Variants in SERINC3 observed in about 807,000 individuals in gnomAD.
The protein encoded by SERINC3 is serine incorporator 3, also known as tumor differentially expressed protein 1.
A neutral mutation model predicts 52.1 loss-of-function variants in SERINC3; 22 were observed. The observed-to-expected ratio is 0.42, with a 90% confidence interval of 0.30 to 0.60. The LOEUF is 0.60. SERINC3 is among the 20% of genes least tolerant of loss of function. The pLI, the probability that SERINC3 is intolerant of heterozygous loss-of-function variation, is 0.16. For missense variants in SERINC3, 564 were observed against 584.6 expected, an observed-to-expected ratio of 0.96 and a Z score of 0.36; for synonymous variants, 226 against 212.7, an observed-to-expected ratio of 1.06 and a Z score of -0.54.
chr20:44,511,580 A>G (rs531435851), intron 3 of SERINC3, among the ~76,000 whole-genome samples: 3 of 152,316 alleles, frequency 2.0e-5, no homozygotes, highest in Admixed American at 1.3e-4. Context: ...AAGATAAATC[A>G]CTCACATTTA....
At chr20:44,507,374 T>G (rs1433188444) in intron 5 of SERINC3, among the ~76,000 whole-genome samples, 1 of 152,174 alleles carries the variant, frequency 6.6e-6, no homozygotes, top group Non-Finnish European at 1.5e-5. Context: ...CACAGCAAGC[T>G]CCATGCCAGG....
At chr20:44,512,568 G>A (rs1341179697) in intron 3 of SERINC3, among the ~76,000 whole-genome samples, 1 of 151,980 alleles carries the variant, frequency 6.6e-6, no homozygotes, top group Non-Finnish European at 1.5e-5. Flanking sequence ...AGAACATGAA[G>A]CAAAGGAATT....
chr20:44,506,637 G>T (rs200571807), intron 6 of SERINC3, among the ~76,000 whole-genome samples, 190 bp downstream of exon 6: 8 of 138,440 alleles, frequency 5.8e-5, no homozygotes, highest in African/African-American at 2.2e-4. Flanking sequence ...AGTTACCTGG[G>T]TTTTTTTTTA....
chr20:44,510,991 G>A (rs904644074), intron 4 of SERINC3, among the ~76,000 whole-genome samples: 4 of 151,636 alleles, frequency 2.6e-5, no homozygotes, highest in Non-Finnish European at 5.9e-5. Context: ...TTGGCACACT[G>A]CAACCTCTGC....
chr20:44,500,461 G>C (rs2064272693), intron 9 of SERINC3, 27 bp from the exon 10 acceptor site: 1 of 1,552,508 alleles, frequency 6.4e-7, no homozygotes, highest in South Asian at 1.2e-5. Flanking sequence ...GAGTCAGGTA[G>C]AAAAGCCTGG....
At position 44,500,111 on chromosome 20, in the gene SERINC3, A is replaced by G. The variant is rs1389125230; in HGVS notation, c.*185T>C. 19 of 632,354 alleles carry G rather than the reference A, an allele frequency of 3.0e-5. No individual in the cohort carries two copies. Among genetic ancestry groups the G allele is most frequent in the Non-Finnish European group, 5.0e-5 (19 of 377,626 alleles). 39.2% of individuals were successfully genotyped at this position (632,354 alleles called of 1,614,324 possible). Reference sequence around the variant, plus strand: ...CCTTAGAAGTAAACATAATATACAGATAAATGAGAAGTTTCGATTCTGCAT... The same window carrying G: ...CCTTAGAAGTAAACATAATATACAGGTAAATGAGAAGTTTCGATTCTGCAT... On this transcript the variant is annotated 3_prime_UTR_variant, in exon 10 of 10. Transcript: ENST00000342374.
intron 9 of SERINC3, among the ~76,000 whole-genome samples, chr20:44,500,661 C>T (rs1293379816): frequency 6.6e-6 from 1 of 152,172 alleles, no homozygotes; most frequent in Non-Finnish European, 1.5e-5. Flanking sequence ...TTCTTGCCAG[C>T]ATGAAAGACC....
chr20:44,507,239 G>T (rs1791063331), intron 5 of SERINC3, among the ~76,000 whole-genome samples: 1 of 152,166 alleles, frequency 6.6e-6, no homozygotes, highest in African/African-American at 2.4e-5. Context: ...TTGATTTCAT[G>T]GGTTGATTAC....
At position 44,498,031 on chromosome 20, in the gene SERINC3, G is replaced by C. The variant is rs534507256; in HGVS notation, c.*2265C>G. Reference sequence around the variant, plus strand: ...CCTGTGGTCATAAATCAAATAGTACGTACTCAACAAATAATAGCTGACAAG... The same window carrying C: ...CCTGTGGTCATAAATCAAATAGTACCTACTCAACAAATAATAGCTGACAAG... On this transcript the variant is annotated 3_prime_UTR_variant, in exon 10 of 10. Coordinates refer to ENST00000342374, the MANE Select transcript of SERINC3 (RefSeq NM_006811.4). 6.6e-6 allele frequency: 1 copy of C among 152,102 alleles called. No homozygotes were observed. The highest frequency in any genetic ancestry group is 1.5e-5 in the Non-Finnish European group (1 of 68,040). 9.4% of individuals were successfully genotyped at this position (152,102 alleles called of 1,614,324 possible).
rs2064261843 is a variant in SERINC3, at chr20:44,498,606, A to G, written c.*1690T>C. On this transcript the variant is annotated 3_prime_UTR_variant, in exon 10 of 10. Coordinates refer to ENST00000342374, the MANE Select transcript of SERINC3 (RefSeq NM_006811.4). ...AAAAAATTAAAATTGAAAAAAAAAAATTCTAATTGCTAAGTAGCCCTCACC... is the reference window on the plus strand; with the variant it reads ...AAAAAATTAAAATTGAAAAAAAAAAGTTCTAATTGCTAAGTAGCCCTCACC... 1 of 152,074 alleles carries G rather than the reference A, an allele frequency of 6.6e-6. No homozygotes were observed. Among genetic ancestry groups the G allele is most frequent in the Non-Finnish European group, 1.5e-5 (1 of 68,066 alleles). 9.4% of individuals were successfully genotyped at this position (152,074 alleles called of 1,614,324 possible).
chr20:44,506,176 C>T (rs2064311394), intron 6 of SERINC3, among the ~76,000 whole-genome samples: 1 of 150,560 alleles, frequency 6.6e-6, no homozygotes, highest in African/African-American at 2.4e-5. Flanking sequence ...TGGCAGGCGC[C>T]TGGCCAAGGC....
At chr20:44,513,234 C>T (rs1160467974) in intron 2 of SERINC3, among the ~76,000 whole-genome samples, 1 of 151,936 alleles carries the variant, frequency 6.6e-6, no homozygotes, top group African/African-American at 2.4e-5. Context: ...ATCTGTAATC[C>T]CAGTATTTTG....
intron 4 of SERINC3, among the ~76,000 whole-genome samples, chr20:44,511,048 G>T (rs1292638356): frequency 6.6e-6 from 1 of 151,874 alleles, no homozygotes; most frequent in Non-Finnish European, 1.5e-5. Flanking sequence ...TGAGTACCTG[G>T]AATCACAGGC....
At chr20:44,508,207 G>A (rs2064326599) in intron 5 of SERINC3, among the ~76,000 whole-genome samples, 1 of 152,112 alleles carries the variant, frequency 6.6e-6, no homozygotes, top group African/African-American at 2.4e-5. Context: ...ATAACAGCCG[G>A]GTGTGGTGGC....
downstream of SERINC3, among the ~76,000 whole-genome samples, chr20:44,497,023 C>A (rs1418875925): frequency 6.6e-6 from 1 of 152,186 alleles, no homozygotes; most frequent in Admixed American, 6.5e-5. Flanking sequence ...AGCTTTCTCC[C>A]GGCTTTAACG....
intron 8 of SERINC3, 152 bp downstream of exon 8, chr20:44,503,663 T>C (rs1310792989): frequency 8.4e-6 from 5 of 592,222 alleles, no homozygotes; most frequent in Non-Finnish European, 1.4e-5. Flanking sequence ...AATATATATG[T>C]ACACAGCTCT....
intron 4 of SERINC3, 31 bp from the exon 5 acceptor site, chr20:44,510,059 C>G (rs1281251881): frequency 6.2e-7 from 1 of 1,607,536 alleles, no homozygotes; most frequent in South Asian, 1.1e-5. Context: ...AAGTTATTCT[C>G]TACCATAGAG....
chr20:44,506,479 G>A (rs912536646), intron 6 of SERINC3, among the ~76,000 whole-genome samples: 2 of 150,164 alleles, frequency 1.3e-5, no homozygotes, highest in South Asian at 4.2e-4. Flanking sequence ...CCAGCTACTC[G>A]GGAGGCTGAG....
intron 6 of SERINC3, among the ~76,000 whole-genome samples, chr20:44,506,588 A>AAAAAAAAAAAAAAAAC (rs2064315027): frequency 7.5e-6 from 1 of 132,878 alleles, no homozygotes; most frequent in African/African-American, 3.0e-5. Context: ...CCATCTCAAA[A>AAAAAAAAAAAAAAAAC]AAAAAAAAAA....
Sources: gnomAD v4.1 joint callset for allele counts (sites outside exome capture counted in the v4.1 genomes callset) on GRCh38, gnomAD v4.1.1 for gene constraint, MANE v1.5 for transcripts, NCBI Gene and HGNC (gene_info 2026-07-23, HGNC 2026-07-21) for gene names.